C2orf78: variants seen among roughly 807,000 people sequenced by gnomAD.
C2orf78 encodes chromosome 2 open reading frame 78, also known as uncharacterized protein C2orf78.
A neutral mutation model predicts 21.4 loss-of-function variants in C2orf78; 12 were observed. The observed-to-expected ratio is 0.56, with a 90% CI of 0.36 to 0.91. The LOEUF (loss-of-function observed/expected upper bound fraction) is 0.91, where lower values mean the gene tolerates loss of function less well. Ranked by LOEUF, C2orf78 falls within the 40% of genes least tolerant of loss-of-function variation. The pLI, the probability that C2orf78 is intolerant of heterozygous loss-of-function variation, is 0.01. For missense variants in C2orf78, 1,042 were observed against 1,092.4 expected, an observed-to-expected ratio of 0.95 and a Z score of 0.65; for synonymous variants, 396 against 413.9, an observed-to-expected ratio of 0.96 and a Z score of 0.52.
chr2:73,809,993 A>T (rs1673043707), intron 1 of C2orf78, among the ~76,000 whole-genome samples: 1 of 152,136 alleles, frequency 6.6e-6, no homozygotes, highest in Non-Finnish European at 1.5e-5. Flanking sequence ...ATTTTAAAAT[A>T]AAAAAATATA....
chr2:73,784,755 C>A (rs1433503749), intron 1 of C2orf78, among the ~76,000 whole-genome samples: 1 of 151,156 alleles, frequency 6.6e-6, no homozygotes, highest in East Asian at 1.9e-4. Context: ...AGAGAAAAAA[C>A]CAAAGTGGTC....
chr2:73,785,921 G>C (rs567912038), intron 1 of C2orf78, among the ~76,000 whole-genome samples: 2 of 151,782 alleles, frequency 1.3e-5, no homozygotes, highest in Non-Finnish European at 2.9e-5. Flanking sequence ...TGGCACATGC[G>C]TGTAATCCCA....
At chr2:73,810,297 G>T (rs750538097) in intron 1 of C2orf78, among the ~76,000 whole-genome samples, 43 of 152,020 alleles carry the variant, frequency 2.8e-4, no homozygotes, top group South Asian at 6.2e-4. Flanking sequence ...TTGGGAGGCC[G>T]AGGTGGGCTG....
chr2:73,784,594 T>C (rs1672887432), intron 1 of C2orf78, among the ~76,000 whole-genome samples, 188 bp downstream of exon 1: 1 of 151,394 alleles, frequency 6.6e-6, no homozygotes, highest in Non-Finnish European at 1.5e-5. Flanking sequence ...ACTTTTATTC[T>C]CTCACAAAAT....
chr2:73,812,529 T>C (rs1036217734), intron 1 of C2orf78, among the ~76,000 whole-genome samples: 15 of 152,114 alleles, frequency 9.9e-5, no homozygotes, highest in African/African-American at 3.6e-4. Flanking sequence ...GGCCAGGCAT[T>C]GTGGCTCACA....
At chr2:73,807,184 A>G (rs1393711588) in intron 1 of C2orf78, among the ~76,000 whole-genome samples, 2 of 110,140 alleles carry the variant, frequency 1.8e-5, no homozygotes, top group Non-Finnish European at 3.6e-5. Flanking sequence ...TGTCTCAAAA[A>G]AAAAAAAAAA....
chr2:73,816,695 G>A, exon 3 of C2orf78: 1 of 1,613,976 alleles, frequency 6.2e-7, no homozygotes, highest in African/African-American at 1.3e-5. Context: ...CTTCTCTGCA[G>A]CGGGAGCCTG....
intron 1 of C2orf78, among the ~76,000 whole-genome samples, chr2:73,810,840 T>C (rs1673073556): frequency 7.3e-6 from 1 of 136,410 alleles, no homozygotes; most frequent in African/African-American, 2.7e-5. Flanking sequence ...ATGTTATATA[T>C]ATTACATGTA....
chr2:73,786,154 C>A (rs187940586), intron 1 of C2orf78, among the ~76,000 whole-genome samples: 24 of 151,836 alleles, frequency 1.6e-4, no homozygotes, highest in Non-Finnish European at 3.5e-4. Context: ...CTGACGCAGG[C>A]GGATTGCCTG....
exon 3 of C2orf78, chr2:73,817,083 A>G (rs1228723526): frequency 3.0e-6 from 4 of 1,334,576 alleles, no homozygotes; most frequent in Non-Finnish European, 4.0e-6. Flanking sequence ...TATTTTTAAA[A>G]CATAATAAAG....
In C2orf78 at chr2:73,812,429, T is replaced by G. The variant is rs140348163; in HGVS notation, c.98-1048T>G. Among the ~76,000 whole-genome samples the G allele has an allele frequency of 3.8e-3, 578 of 152,322 alleles. 7 individuals carry two copies. Among genetic ancestry groups the G allele is most frequent in the African/African-American group, 0.013 (553 of 41,574 alleles). ...ATCACTTTTATTCATGTATGAATTA[T>G]CACTGTTATTATTTTACAACTTCTT... On this transcript the variant is annotated intron_variant, in intron 1 of 2. Coordinates refer to ENST00000409561, the Ensembl canonical transcript of C2orf78.
rs779527000 is a variant in C2orf78, at chr2:73,813,491, A to C, written c.112A>C (p.Thr38Pro). 3 of 1,600,782 alleles carry C rather than the reference A, an allele frequency of 1.9e-6. No homozygotes were observed. The East Asian group carries it at 6.7e-5, about 36-fold the overall frequency. The stretch of plus-strand genomic sequence containing the variant: ...GTTTCCTACAGAATATTTCCAAAAT[A>C]CGTCTTTACCTGGAACTGCAAATTC... Residue 38 changes from threonine (T) to proline (P), a missense_variant, in exon 2 of 3, where the codon ACG becomes CCG. By Grantham distance (38) the Thr-to-Pro change is conservative. This residue lies in a region of C2orf78 where 1,039 missense variants were observed against 1,069.7 expected (regional missense o/e 0.97). Transcript: ENST00000409561.
chr2:73,785,813 G>A (rs984893574), intron 1 of C2orf78, among the ~76,000 whole-genome samples: 2 of 151,972 alleles, frequency 1.3e-5, no homozygotes, highest in African/African-American at 2.4e-5. Context: ...TTGGGAGGCC[G>A]AGGTGGGCTG....
intron 1 of C2orf78, among the ~76,000 whole-genome samples, chr2:73,812,777 T>A (rs1415279137): frequency 6.6e-6 from 1 of 152,124 alleles, no homozygotes; most frequent in Admixed American, 6.5e-5. Context: ...TTTTGACTAA[T>A]GATAAAAAGC....
intron 1 of C2orf78, among the ~76,000 whole-genome samples, chr2:73,810,845 C>T (rs1235480112): frequency 2.3e-5 from 3 of 129,936 alleles, no homozygotes; most frequent in African/African-American, 8.8e-5. Flanking sequence ...ATATATATTA[C>T]ATGTATATTA....
At chr2:73,807,043 TG>T (rs1672972497) in intron 1 of C2orf78, among the ~76,000 whole-genome samples, 1 of 144,186 alleles carries the variant, frequency 6.9e-6, no homozygotes, top group South Asian at 2.2e-4. Flanking sequence ...TAGCCGGGCA[TG>T]GTGGCGAGTA....
In C2orf78 at chr2:73,813,336, C is replaced by T. The variant is rs1673125917; in HGVS notation, c.98-141C>T. The T allele has an allele frequency of 6.3e-5, 52 of 830,756 alleles. 1 individual carries two copies. In the South Asian group the frequency reaches 9.7e-4, roughly 16 times the overall value. The allele number at this position is 830,756 out of a possible 1,614,324, so 51.5% of individuals were successfully genotyped here. A position where few individuals can be genotyped will look rare whatever the true frequency, so the allele number is the denominator to read the frequency against. On this transcript the variant is annotated intron_variant, in intron 1 of 2. Transcript: ENST00000409561. ...CTTCAGCACTCAAGGCCATCATAAACTGTTTGGCTTTTGGTATCTCAGTGA... is the reference window on the plus strand; with the variant it reads ...CTTCAGCACTCAAGGCCATCATAAATTGTTTGGCTTTTGGTATCTCAGTGA...
At chr2:73,811,705 T>C (rs1184483112) in intron 1 of C2orf78, among the ~76,000 whole-genome samples, 1 of 152,184 alleles carries the variant, frequency 6.6e-6, no homozygotes, top group African/African-American at 2.4e-5. Context: ...AATTGGATTC[T>C]AGCAGTTGTT....
At chr2:73,784,254 C>T (rs1218090409) in exon 1 of C2orf78, 1 of 1,510,518 alleles carries the variant, frequency 6.6e-7, no homozygotes, top group Non-Finnish European at 8.8e-7. Context: ...AAATTTGTAT[C>T]ATCACAAGGG....
Sources: allele counts gnomAD v4.1 joint callset (sites outside exome capture counted in the v4.1 genomes callset), GRCh38; gene constraint gnomAD v4.1.1; regional missense constraint gnomAD v4.1.1; transcripts MANE v1.5; gene names NCBI Gene and HGNC (gene_info 2026-07-23, HGNC 2026-07-21).